PDXK: variants seen among roughly 807,000 people sequenced by gnomAD.
PDXK encodes the protein epididymis secretory sperm binding protein Li 1a.
A neutral mutation model predicts 43.2 loss-of-function variants in PDXK; 15 were observed. That is an observed-to-expected ratio of 0.35 (90% CI 0.23 to 0.53). PDXK has a LOEUF of 0.53. Ranked by LOEUF, PDXK falls within the 20% of genes least tolerant of loss-of-function variation. The probability of loss-of-function intolerance (pLI) is 0.92; values close to 1 mark genes in which losing one functional copy is unlikely to be tolerated. For synonymous variants in PDXK, 172 were observed against 165.4 expected (o/e 1.04, Z -0.31); for missense variants, 343 against 417.0 (o/e 0.82, Z 1.54).
At position 43,737,989 on chromosome 21, in the gene PDXK, C is replaced by G; in HGVS notation, c.143-3678C>G. ...CCATGCCCTCTGTTTCGATAGGAAG[C>G]TGGGCCTCAGAGGGGCCTGGGGCCT... On this transcript the variant is annotated intron_variant, in intron 2 of 10. Coordinates refer to ENST00000291565, the MANE Select transcript of PDXK (RefSeq NM_003681.5). This position sits in a 1 kb window ranked among gnomAD's most constrained non-coding sequence, Gnocchi z 4.8. 1 of 985,494 alleles carries G rather than the reference C, an allele frequency of 1.0e-6. No individual in the cohort carries two copies. The highest frequency in any genetic ancestry group is 1.2e-6 in the Non-Finnish European group (1 of 829,962). 61.0% of individuals were successfully genotyped at this position (985,494 alleles called of 1,614,324 possible). A position where few individuals can be genotyped will look rare whatever the true frequency, so the allele number is the denominator to read the frequency against.
At position 43,723,998 on chromosome 21, in the gene PDXK, C is replaced by T. The variant is rs1317863057; in HGVS notation, c.87+4617C>T. 1 of 152,212 alleles carries T rather than the reference C, an allele frequency of 6.6e-6. No individual in the cohort carries two copies. The highest frequency in any genetic ancestry group is 1.9e-4 in the East Asian group (1 of 5,202). 9.4% of individuals were successfully genotyped at this position (152,212 alleles called of 1,614,324 possible). On this transcript the variant is annotated intron_variant, in intron 1 of 10. Coordinates refer to ENST00000291565, the MANE Select transcript of PDXK (RefSeq NM_003681.5). The surrounding 1 kb of genome is among the most constrained non-coding windows in gnomAD (Gnocchi z 4.1). ...GAGAATCTCACTTGGGGCCTTAGCT[C>T]GAGACCCATTTAAATACCACATCGC... is the stretch of plus-strand genomic sequence containing the variant.
intron 1 of PDXK, chr21:43,728,876 C>T: frequency 1.0e-6 from 1 of 985,592 alleles, no homozygotes; most frequent in Non-Finnish European, 1.2e-6. Flanking sequence ...AGGAAGTTCC[C>T]AGGAGGAAGT....
At chr21:43,739,391 G>A (rs991171749) in intron 2 of PDXK, among the ~76,000 whole-genome samples, 1 of 152,146 alleles carries the variant, frequency 6.6e-6, no homozygotes, top group Non-Finnish European at 1.5e-5. Context: ...GATACACCAT[G>A]GGTGGTGTTG....
At chr21:43,726,144 A>G (rs1331995299) in intron 1 of PDXK, among the ~76,000 whole-genome samples, 2 of 152,170 alleles carry the variant, frequency 1.3e-5, no homozygotes, top group African/African-American at 4.8e-5. Context: ...CCAAGAAGGA[A>G]GAAAATTGGC....
intron 7 of PDXK, among the ~76,000 whole-genome samples, chr21:43,752,101 ATGTGTG>A (rs66466038): frequency 3.0e-4 from 44 of 146,592 alleles, no homozygotes; most frequent in Middle Eastern, 6.9e-3. Flanking sequence ...GATGCAGCAC[ATGTGTG>A]TGTGTGTGTG....
chr21:43,751,066 G>C (rs564175111), intron 7 of PDXK, among the ~76,000 whole-genome samples: 5 of 152,330 alleles, frequency 3.3e-5, no homozygotes. Context: ...AGGGCCAGCT[G>C]TTGGGAAGGG....
At chr21:43,719,573 AG>A (rs2083189185) in intron 1 of PDXK, 192 bp downstream of exon 1, 1 of 979,982 alleles carries the variant, frequency 1.0e-6, no homozygotes, top group African/African-American at 1.7e-5. Flanking sequence ...CGGAGGGCTG[AG>A]CGCTCTGCGG....
chr21:43,729,943 CAAAAAAAGAAA>C (rs2147219088), intron 1 of PDXK, among the ~76,000 whole-genome samples: 1 of 151,166 alleles, frequency 6.6e-6, no homozygotes, highest in East Asian at 1.9e-4. Flanking sequence ...GATCCTGTCT[CAAAAAAAGAAA>C]ACCAAAACAA....
chr21:43,731,721 C>G (rs752629861), intron 1 of PDXK, among the ~76,000 whole-genome samples: 8 of 151,598 alleles, frequency 5.3e-5, no homozygotes, highest in South Asian at 4.1e-4. Flanking sequence ...GTCCTTGGCT[C>G]CCTTGTGGGT....
At chr21:43,728,616 G>A (rs998623734) in intron 1 of PDXK, 2 of 641,524 alleles carry the variant, frequency 3.1e-6, no homozygotes, top group Non-Finnish European at 3.9e-6. Flanking sequence ...TGTCTGCCTC[G>A]CTGTGAGCAG....
At chr21:43,744,125 C>G (rs577215945) in intron 4 of PDXK, among the ~76,000 whole-genome samples, 1 of 152,040 alleles carries the variant, frequency 6.6e-6, no homozygotes, top group African/African-American at 2.4e-5. Flanking sequence ...TGACTACACT[C>G]ACCCTAAAGG....
intron 1 of PDXK, among the ~76,000 whole-genome samples, chr21:43,720,138 G>A (rs1337439998): frequency 6.6e-6 from 1 of 152,242 alleles, no homozygotes; most frequent in South Asian, 2.1e-4. Flanking sequence ...CCGTGGAGGG[G>A]TAGGAGAGGC....
At chr21:43,733,818 G>A (rs1254205781) in intron 1 of PDXK, 3 of 703,980 alleles carry the variant, frequency 4.3e-6, no homozygotes, top group South Asian at 3.8e-5. Context: ...GCTGGGCGAT[G>A]CCCTCCCGGG....
Position 43,750,979 on chromosome 21 carries a change from T to TGTGC in PDXK, c.510+435_510+436insTGCG, listed in dbSNP as rs57132172. ...GTGTGTGCATGTGTGTGTGTGTGTG[T>TGTGC]GCACATGTGTGTGAAGAGCTATTGT... is the stretch of plus-strand genomic sequence containing the variant. On this transcript the variant is annotated intron_variant, in intron 7 of 10. Coordinates refer to ENST00000291565, the MANE Select transcript of PDXK (RefSeq NM_003681.5). 2.9e-3 allele frequency among the ~76,000 whole-genome samples: 429 copies of TGTGC among 148,286 alleles called. 1 individual carries two copies. Among genetic ancestry groups the TGTGC allele is most frequent in the Admixed American group, 8.8e-3 (130 of 14,850 alleles).
At position 43,732,378 on chromosome 21, in the gene PDXK, A is replaced by G; in HGVS notation, c.88-1691A>G. ...GGCTTTGTCTGGCACATGAAGTTGG[A>G]TGGGTAGACTCTGGAAGCGTCCAGA... is the stretch of plus-strand genomic sequence containing the variant. On this transcript the variant is annotated intron_variant, in intron 1 of 10. Coordinates refer to ENST00000291565, the MANE Select transcript of PDXK (RefSeq NM_003681.5). The surrounding 1 kb of genome is among the most constrained non-coding windows in gnomAD (Gnocchi z 4.1). 6.2e-7 allele frequency: 1 copy of G among 1,611,758 alleles called. No homozygotes were observed. The highest frequency in any genetic ancestry group is 8.5e-7 in the Non-Finnish European group (1 of 1,178,964).
chr21:43,739,928 C>G (rs2083465216), intron 2 of PDXK, among the ~76,000 whole-genome samples: 1 of 151,856 alleles, frequency 6.6e-6, no homozygotes, highest in African/African-American at 2.4e-5. Context: ...TGGCAGAAGC[C>G]TCCTCAGGAC....
Position 43,735,505 on chromosome 21 carries a change from G to T in PDXK, c.142+1382G>T, listed in dbSNP as rs1204205222. 2.6e-5 allele frequency among the ~76,000 whole-genome samples: 4 copies of T among 152,274 alleles called. No homozygotes were observed. Among genetic ancestry groups the T allele is most frequent in the African/African-American group, 7.2e-5 (3 of 41,566 alleles). On this transcript the variant is annotated intron_variant, in intron 2 of 10. Transcript: ENST00000291565. The surrounding 1 kb of genome is among the most constrained non-coding windows in gnomAD (Gnocchi z 5.3). ...GCCCAGAGATAGAAAAGGGGTCTCTGGTCTGCCCTCAGGGGACTGGGATGA... is the reference window on the plus strand; with the variant it reads ...GCCCAGAGATAGAAAAGGGGTCTCTTGTCTGCCCTCAGGGGACTGGGATGA...
In PDXK at chr21:43,734,150, A is replaced by G; in HGVS notation, c.142+27A>G. The G allele has an allele frequency of 2.5e-6, 4 of 1,608,228 alleles. No homozygotes were observed. Among genetic ancestry groups the G allele is most frequent in the Non-Finnish European group, 3.4e-6 (4 of 1,174,694 alleles). ...TAAGGCGTTGGCTCCAGCAGCTGGC[A>G]TAGAGCAGACTGTGGGTGTGAGGGA... On this transcript the variant is annotated intron_variant, in intron 2 of 10. Transcript: ENST00000291565. The surrounding 1 kb of genome is among the most constrained non-coding windows in gnomAD (Gnocchi z 5.0).
At position 43,737,465 on chromosome 21, in the gene PDXK, G is replaced by A. The variant is rs2083424650; in HGVS notation, c.142+3342G>A. ...TTGAGAGGATTTCCTGGAGCTCCCT[G>A]TCTGAGCTTCCCGGACTGAGGGCAC... is the stretch of plus-strand genomic sequence containing the variant. On this transcript the variant is annotated intron_variant, in intron 2 of 10. Coordinates refer to ENST00000291565, the MANE Select transcript of PDXK (RefSeq NM_003681.5). This position sits in a 1 kb window ranked among gnomAD's most constrained non-coding sequence, Gnocchi z 4.8. 3.7e-6 allele frequency: 4 copies of A among 1,067,284 alleles called. No individual in the cohort carries two copies. Among genetic ancestry groups the A allele is most frequent in the Non-Finnish European group, 4.6e-6 (4 of 877,886 alleles). The allele number at this position is 1,067,284 out of a possible 1,614,324, so 66.1% of individuals were successfully genotyped here. A position where few individuals can be genotyped will look rare whatever the true frequency, so the allele number is the denominator to read the frequency against.
Sources: gnomAD v4.1 joint callset for allele counts (sites outside exome capture counted in the v4.1 genomes callset) on GRCh38, gnomAD v4.1.1 for gene constraint, Gnocchi (gnomAD v3.1) non-coding constraint, MANE v1.5 for transcripts, NCBI Gene and HGNC (gene_info 2026-07-23, HGNC 2026-07-21) for gene names.